FARS2: variants seen among roughly 807,000 people sequenced by gnomAD.
FARS2 encodes phenylalanine--tRNA ligase, mitochondrial.
FARS2 carries 40 observed loss-of-function variants against 46.4 expected under a neutral mutation model. The ratio of observed to expected loss-of-function variants is 0.86; its 90% CI spans 0.67 to 1.12. The LOEUF is 1.12. Among genes scored for constraint, FARS2 ranks in the 50% most tolerant of loss-of-function variants. The pLI is 0.00. For missense variants in FARS2, 513 were observed against 567.9 expected (o/e 0.90, Z 0.98); for synonymous variants, 234 against 214.9 (o/e 1.09, Z -0.78).
intron 4 of FARS2, among the ~76,000 whole-genome samples, chr6:5,479,371 A>G (rs1766311891): frequency 6.6e-6 from 1 of 152,214 alleles, no homozygotes; most frequent in African/African-American, 2.4e-5. Flanking sequence ...GCAACATGAC[A>G]TAGAGTGCAT....
chr6:5,680,739 CT>C (rs11441342), intron 6 of FARS2, among the ~76,000 whole-genome samples: 3,829 of 143,262 alleles, frequency 0.027, 102 homozygotes, highest in African/African-American at 0.07. Context: ...CAGACGTTGT[CT>C]TTTTTTTTTT....
intron 1 of FARS2, among the ~76,000 whole-genome samples, chr6:5,315,912 C>T (rs79691425): frequency 0.061 from 9,306 of 152,258 alleles, 351 homozygotes; most frequent in Middle Eastern, 0.13. Context: ...CCTCCTGCTG[C>T]CTTACAGGGC....
chr6:5,301,812 C>CAT (rs1375338738), intron 1 of FARS2, among the ~76,000 whole-genome samples: 12 of 106,914 alleles, frequency 1.1e-4, no homozygotes, highest in Non-Finnish European at 1.9e-4. Context: ...TACACACACA[C>CAT]ACACACACAC....
At position 5,765,254 on chromosome 6, in the gene FARS2, A is replaced by T. The variant is rs1394692436; in HGVS notation, c.1218-6037A>T. Among the ~76,000 whole-genome samples, 1 of 152,198 alleles carries T rather than the reference A, an allele frequency of 6.6e-6. No individual in the cohort carries two copies. The highest frequency in any genetic ancestry group is 6.5e-5 in the Admixed American group (1 of 15,286). ...ACACAAGCAGCTACTCTTGTACAGG[A>T]TGGTAAAGTTAGGTGGCATTCACAC... On this transcript the variant is annotated intron_variant, in intron 6 of 6. Coordinates refer to ENST00000274680, the MANE Select transcript of FARS2 (RefSeq NM_006567.5). The surrounding 1 kb of genome is among the most constrained non-coding windows in gnomAD (Gnocchi z 4.0).
rs539374899 is a variant in FARS2 at position 5,727,724 on chromosome 6, T to C, written c.1218-43567T>C. Among the ~76,000 whole-genome samples, 253 of 152,292 alleles carry C rather than the reference T, an allele frequency of 1.7e-3. 1 individual carries two copies. Among genetic ancestry groups the C allele is most frequent in the Non-Finnish European group, 1.9e-3 (126 of 68,016 alleles). On this transcript the variant is annotated intron_variant, in intron 6 of 6. Transcript: ENST00000274680. The surrounding 1 kb of genome is among the most constrained non-coding windows in gnomAD (Gnocchi z 4.1). Reference sequence around the variant, plus strand: ...TTCACAGATTGGAGTGCCACAGGGATCATATTTTCAGGTGCATTTTCTTCC... The same window carrying C: ...TTCACAGATTGGAGTGCCACAGGGACCATATTTTCAGGTGCATTTTCTTCC...
intron 1 of FARS2, among the ~76,000 whole-genome samples, chr6:5,326,536 C>T (rs1163790699): frequency 1.3e-5 from 2 of 152,190 alleles, no homozygotes; most frequent in Non-Finnish European, 2.9e-5. Context: ...CAGGTCTGGT[C>T]TCCCGCCCTG....
At chr6:5,334,807 C>T (rs1771043387) in intron 1 of FARS2, among the ~76,000 whole-genome samples, 1 of 152,124 alleles carries the variant, frequency 6.6e-6, no homozygotes, top group Non-Finnish European at 1.5e-5. Context: ...TTATAAATCA[C>T]TTAATATCAG....
rs573875127 is a variant in FARS2 at position 5,736,553 on chromosome 6, T to C, written c.1218-34738T>C. On this transcript the variant is annotated intron_variant, in intron 6 of 6. Transcript: ENST00000274680. ...CCTTCAGAATAAGGTTATGTCCACA[T>C]TGATTCTAAGACATGTCACCTGATT... Among the ~76,000 whole-genome samples, 15 of 152,374 alleles carry C rather than the reference T, an allele frequency of 9.8e-5. No individual in the cohort carries two copies. In the South Asian group the frequency reaches 2.9e-3, roughly 29 times the overall value.
At chr6:5,494,984 A>AT (rs915145492) in intron 4 of FARS2, among the ~76,000 whole-genome samples, 1 of 152,176 alleles carries the variant, frequency 6.6e-6, no homozygotes, top group African/African-American at 2.4e-5. Context: ...TTCAGGGGTA[A>AT]TTGCTCTTCT....
chr6:5,738,182 C>A (rs538591671), intron 6 of FARS2, among the ~76,000 whole-genome samples: 191 of 152,318 alleles, frequency 1.3e-3, no homozygotes, highest in African/African-American at 4.3e-3. Flanking sequence ...AAACTCCAGG[C>A]TCAAGCAATC....
At chr6:5,400,254 A>G (rs889708895) in intron 2 of FARS2, among the ~76,000 whole-genome samples, 24 of 151,680 alleles carry the variant, frequency 1.6e-4, no homozygotes, top group African/African-American at 4.4e-4. Flanking sequence ...GGTCATTTTC[A>G]TATCTTTTTT....
At chr6:5,439,264 G>T (rs1322313524) in intron 4 of FARS2, among the ~76,000 whole-genome samples, 6 of 152,280 alleles carry the variant, frequency 3.9e-5, no homozygotes, top group African/African-American at 1.2e-4. Context: ...ATCTGTGCAG[G>T]TTTCCACATA....
At chr6:5,370,852 C>T (rs2503821) in intron 2 of FARS2, among the ~76,000 whole-genome samples, 29,792 of 152,040 alleles carry the variant, frequency 0.2, 3,429 homozygotes, top group East Asian at 0.48. Context: ...ATATATTCTG[C>T]GTATAGTTAA....
intron 1 of FARS2, among the ~76,000 whole-genome samples, chr6:5,362,323 T>G (rs1487061218): frequency 1.3e-5 from 2 of 152,338 alleles, no homozygotes; most frequent in Non-Finnish European, 1.5e-5. Context: ...GTATATGTTA[T>G]TTTCACGTTG....
chr6:5,572,015 T>C (rs1374087836), intron 5 of FARS2, among the ~76,000 whole-genome samples: 2 of 152,210 alleles, frequency 1.3e-5, no homozygotes, highest in Non-Finnish European at 2.9e-5. Context: ...CAGGCCCCTA[T>C]CCTATATCAG....
At chr6:5,268,644 T>C (rs1227039539) in intron 1 of FARS2, among the ~76,000 whole-genome samples, 1 of 152,228 alleles carries the variant, frequency 6.6e-6, no homozygotes. Flanking sequence ...GCGTGATGCC[T>C]CTAGCTTTGT....
chr6:5,444,487 AAAAAAAGAGAG>A (rs1399159284), intron 4 of FARS2, among the ~76,000 whole-genome samples: 42 of 64,548 alleles, frequency 6.5e-4, no homozygotes, highest in Admixed American at 1.8e-3. Context: ...AAAAAAAAAA[AAAAAAAGAGAG>A]AGAGAGAGAG....
intron 2 of FARS2, among the ~76,000 whole-genome samples, chr6:5,397,172 A>G (rs191034688): frequency 1.3e-5 from 2 of 152,332 alleles, no homozygotes; most frequent in East Asian, 3.9e-4. Flanking sequence ...GTACATGCAT[A>G]TTACTCATGA....
intron 5 of FARS2, among the ~76,000 whole-genome samples, chr6:5,589,596 T>C (rs55735025): frequency 0.21 from 32,521 of 152,164 alleles, 3,633 homozygotes; most frequent in East Asian, 0.4. Context: ...TGTGCTGTAA[T>C]GCAGCAGGCT....
Sources: gnomAD v4.1 joint callset for allele counts (sites outside exome capture counted in the v4.1 genomes callset) on GRCh38, gnomAD v4.1.1 for gene constraint, Gnocchi (gnomAD v3.1) non-coding constraint, MANE v1.5 for transcripts, NCBI Gene and HGNC (gene_info 2026-07-23, HGNC 2026-07-21) for gene names.